Variants in TRIB3 observed in about 807,000 individuals in gnomAD.
The protein encoded by TRIB3 is tribbles pseudokinase 3.
TRIB3 carries 20 observed loss-of-function variants against 16.6 expected under a neutral mutation model. The observed-to-expected ratio is 1.20, with a 90% CI of 0.85 to 1.75. The LOEUF is 1.75. Ranked by LOEUF, TRIB3 falls within the 40% of genes most tolerant of loss-of-function variation. The pLI is 0.00. For missense variants in TRIB3, 484 were observed against 488.9 expected (o/e 0.99, Z 0.10); for synonymous variants, 208 against 217.0 (o/e 0.96, Z 0.36).
intron 1 of TRIB3, among the ~76,000 whole-genome samples, chr20:381,676 G>A (rs1182718748): frequency 6.6e-6 from 1 of 152,178 alleles, no homozygotes; most frequent in Non-Finnish European, 1.5e-5. Flanking sequence ...CTGTCTGGAG[G>A]GCTGGGCACT....
In TRIB3 at chr20:396,961, C is replaced by A; in HGVS notation, c.*271C>A. On this transcript the variant is annotated 3_prime_UTR_variant, in exon 4 of 4. Transcript: ENST00000217233. ...CAATATTCCCTGCTCACAGAGATGA[C>A]AAACTGGCATCCTTGAGCTGACAAC... 2.3e-6 allele frequency: 1 copy of A among 436,662 alleles called. No homozygotes were observed. Among genetic ancestry groups the A allele is most frequent in the Admixed American group, 3.9e-5 (1 of 25,542 alleles). 27.0% of individuals were successfully genotyped at this position (436,662 alleles called of 1,614,324 possible). A position where few individuals can be genotyped will look rare whatever the true frequency, so the allele number is the denominator to read the frequency against.
intron 3 of TRIB3, among the ~76,000 whole-genome samples, chr20:392,315 C>G (rs559373320): frequency 3.3e-5 from 5 of 152,236 alleles, no homozygotes; most frequent in Admixed American, 1.3e-4. Flanking sequence ...TTAATTCAAT[C>G]TGAGCTTGAG....
At chr20:394,931 G>A (rs1254457637) in intron 3 of TRIB3, among the ~76,000 whole-genome samples, 2 of 152,100 alleles carry the variant, frequency 1.3e-5, no homozygotes, top group African/African-American at 4.8e-5. Context: ...TCACCTGCCT[G>A]AGCCTTTGTT....
At chr20:381,543 TGTG>T (rs1249589591) in intron 1 of TRIB3, 1 of 91,628 alleles carries the variant, frequency 1.1e-5, no homozygotes, top group Non-Finnish European at 2.2e-5. Flanking sequence ...GTGAGGGGCT[TGTG>T]GGGGGCACTG....
At chr20:392,395 G>A (rs767479984) in intron 3 of TRIB3, among the ~76,000 whole-genome samples, 5 of 152,102 alleles carry the variant, frequency 3.3e-5, no homozygotes, top group African/African-American at 7.2e-5. Flanking sequence ...CAGTTTCTCC[G>A]TTGGTAAGGA....
At chr20:381,857 CGT>C (rs2014662608) in intron 1 of TRIB3, among the ~76,000 whole-genome samples, 1 of 152,106 alleles carries the variant, frequency 6.6e-6, no homozygotes, top group African/African-American at 2.4e-5. Flanking sequence ...ACGGTGCGCG[CGT>C]GTCTGCGGTG....
chr20:395,656 C>T (rs1240690962), intron 3 of TRIB3, among the ~76,000 whole-genome samples: 2 of 152,146 alleles, frequency 1.3e-5, no homozygotes, highest in East Asian at 1.9e-4. Context: ...TGCCAGCCAG[C>T]GTTCCCATCC....
At position 396,412 on chromosome 20, in the gene TRIB3, G is replaced by C. The variant is rs753204950; in HGVS notation, c.799G>C (p.Val267Leu). 78 of 1,613,044 alleles carry C rather than the reference G, an allele frequency of 4.8e-5. No homozygotes were observed. In the Admixed American group the frequency reaches 1.3e-3, roughly 26 times the overall value. Residue 267 changes from valine to leucine, a missense_variant, in exon 4 of 4, where the codon GTC (valine) becomes CTC (leucine). Coordinates refer to ENST00000217233, the MANE Select transcript of TRIB3 (RefSeq NM_021158.5). Reference sequence around the variant, plus strand: ...CTACCCCTTCCAGGACTCGGAGCCTGTCCTGCTCTTCGGCAAGATCCGCCG... The same window carrying C: ...CTACCCCTTCCAGGACTCGGAGCCTCTCCTGCTCTTCGGCAAGATCCGCCG... ...GHYPFQDSEPVLLFGKIRRGA... is the reference protein window; with the variant it reads ...GHYPFQDSEPLLLFGKIRRGA...
chr20:393,646 T>C (rs1002088567), intron 3 of TRIB3, among the ~76,000 whole-genome samples: 3 of 152,208 alleles, frequency 2.0e-5, no homozygotes, highest in African/African-American at 7.2e-5. Flanking sequence ...AGAGTACTGA[T>C]CAGTTACTTT....
At chr20:394,786 T>TAAAGAAAAAAAAGAAAAAAAA (rs2015080406) in intron 3 of TRIB3, among the ~76,000 whole-genome samples, 1 of 146,814 alleles carries the variant, frequency 6.8e-6, no homozygotes, top group Non-Finnish European at 1.5e-5. Context: ...ACCCTATCTC[T>TAAAGAAAAAAAAGAAAAAAAA]AAAGAAAAAA....
rs972660806 is a variant in TRIB3, at chr20:388,236, C to G, written c.226C>G (p.Pro76Ala). 2.5e-6 allele frequency: 4 copies of G among 1,613,516 alleles called. No individual in the cohort carries two copies. The highest frequency in any genetic ancestry group is 3.4e-6 in the Non-Finnish European group (4 of 1,180,028). ...TCTTGGGCCCTATGTCCTCCTGGAGCCCGAGGAGGGCGGGCGGGCCTACCA... is the reference window on the plus strand; with the variant it reads ...TCTTGGGCCCTATGTCCTCCTGGAGGCCGAGGAGGGCGGGCGGGCCTACCA... ...SRLGPYVLLEPEEGGRAYQAL... is the reference protein window; with the variant it reads ...SRLGPYVLLEAEEGGRAYQAL... The change falls in exon 2 of 4, where the codon CCC becomes GCC. Residue 76 changes from proline (P) to alanine (A), a missense_variant. Coordinates refer to ENST00000217233, the MANE Select transcript of TRIB3 (RefSeq NM_021158.5).
chr20:397,017 A>G lies in TRIB3; in HGVS notation c.*327A>G, dbSNP rs2015149679. 7 of 284,538 alleles carry G rather than the reference A, an allele frequency of 2.5e-5. No homozygotes were observed. In the South Asian group the frequency reaches 4.6e-4, roughly 19 times the overall value. 17.6% of individuals were successfully genotyped at this position (284,538 alleles called of 1,614,324 possible). A position where few individuals can be genotyped will look rare whatever the true frequency, so the allele number is the denominator to read the frequency against. ...TCCATGACCATAGGTCACTGTCTAC[A>G]CTGGGTACACTTTGTACCAGTGTCG... On this transcript the variant is annotated 3_prime_UTR_variant, in exon 4 of 4. Transcript: ENST00000217233.
intron 3 of TRIB3, among the ~76,000 whole-genome samples, chr20:395,447 C>T (rs1255001948): frequency 1.3e-5 from 2 of 151,938 alleles, no homozygotes; most frequent in Non-Finnish European, 2.9e-5. Flanking sequence ...CGGCATGAGC[C>T]ACCGCGCCCA....
chr20:395,732 G>A (rs554671496), intron 3 of TRIB3, among the ~76,000 whole-genome samples: 4 of 152,054 alleles, frequency 2.6e-5, no homozygotes, highest in Non-Finnish European at 5.9e-5. Flanking sequence ...ATAGAATGAG[G>A]TGAGCCAGGT....
chr20:393,158 A>ACCCAAAC (rs1491109345), intron 3 of TRIB3, among the ~76,000 whole-genome samples: 1 of 96,258 alleles, frequency 1.0e-5, no homozygotes, highest in Non-Finnish European at 2.1e-5. Flanking sequence ...TGGTACAATT[A>ACCCAAAC]CCCAAACTAT....
At chr20:393,141 G>A (rs917533259) in intron 3 of TRIB3, among the ~76,000 whole-genome samples, 1 of 95,480 alleles carries the variant, frequency 1.0e-5, no homozygotes, top group African/African-American at 5.2e-5. Flanking sequence ...AACACCTGAC[G>A]TAGCTATGGT....
intron 1 of TRIB3, among the ~76,000 whole-genome samples, chr20:384,175 C>CTA (rs1568532026): frequency 6.6e-6 from 1 of 152,136 alleles, no homozygotes; most frequent in Non-Finnish European, 1.5e-5. Flanking sequence ...GGCCTCCTAG[C>CTA]TAGTCTCACT....
At chr20:391,953 C>T (rs999501399) in intron 3 of TRIB3, among the ~76,000 whole-genome samples, 1 of 151,134 alleles carries the variant, frequency 6.6e-6, no homozygotes, top group African/African-American at 2.4e-5. Context: ...ACCTGGGAGG[C>T]GGAAGTTGCA....
rs780955332 is a variant in TRIB3 at position 388,024 on chromosome 20, CT to C, written c.15del (p.Leu6TrpfsTer20). 1.2e-6 allele frequency: 2 copies of C among 1,613,240 alleles called. No individual in the cohort carries two copies. Among genetic ancestry groups the C allele is most frequent in the African/African-American group, 1.3e-5 (1 of 75,042 alleles). ...CCTTTTTACCAGATGCGAGCCACCC[CT>C]CTGGCTGCTCCTGCGGGTTCCCTGT... MRAT[P>X]LAAPAGSLSR... On this transcript the variant is annotated frameshift_variant, in exon 2 of 4. Coordinates refer to ENST00000217233, the MANE Select transcript of TRIB3 (RefSeq NM_021158.5). LOFTEE classifies it high-confidence loss of function.
Sources: allele counts gnomAD v4.1 joint callset (sites outside exome capture counted in the v4.1 genomes callset), GRCh38; gene constraint gnomAD v4.1.1; transcripts MANE v1.5; gene names NCBI Gene and HGNC (gene_info 2026-07-23, HGNC 2026-07-21).